The following RGL4 variants were observed in gnomAD, a reference collection of about 807,000 sequenced individuals.
The protein encoded by RGL4 is ral guanine nucleotide dissociation stimulator like 4.
A neutral mutation model predicts 49.6 loss-of-function variants in RGL4; 41 were observed. The ratio of observed to expected loss-of-function variants is 0.83; its 90% CI spans 0.64 to 1.07. RGL4 has a LOEUF of 1.07. Among genes scored for constraint, RGL4 ranks in the 50% least tolerant of loss-of-function variants. The pLI is 0.00. For missense variants in RGL4, 610 were observed against 591.9 expected, an observed-to-expected ratio of 1.03 and a Z score of -0.32; for synonymous variants, 255 against 238.0, an observed-to-expected ratio of 1.07 and a Z score of -0.66.
chr22:23,698,511 ACAC>A, intron 10 of RGL4, 178 bp downstream of exon 10: 1 of 752,888 alleles, frequency 1.3e-6, no homozygotes, highest in African/African-American at 1.7e-5. Flanking sequence ...CTACCGCTGT[ACAC>A]CACCATGTCC....
chr22:23,696,460 G>A (rs771570284), intron 6 of RGL4, 154 bp from the exon 7 acceptor site: 105 of 1,545,330 alleles, frequency 6.8e-5, no homozygotes, highest in South Asian at 2.4e-5. Context: ...GCAAGACTGG[G>A]TGACACACAC....
chr22:23,695,378 T>C, intron 6 of RGL4: 1 of 489,190 alleles, frequency 2.0e-6, no homozygotes, highest in Non-Finnish European at 3.9e-6. Flanking sequence ...AGGGTGATCA[T>C]GGTAGGTGGG....
In RGL4 at chr22:23,697,880, C is replaced by A; in HGVS notation, c.1260+19C>A. The A allele has an allele frequency of 1.2e-6, 2 of 1,602,524 alleles. No homozygotes were observed. Among genetic ancestry groups the A allele is most frequent in the Non-Finnish European group, 1.7e-6 (2 of 1,175,526 alleles). On this transcript the variant is annotated intron_variant, in intron 9 of 10. Transcript: ENST00000290691. ...GAGCAAGGTGAGCAGCTGGGGCACT[C>A]ACGTTGGATGAGGGTGGGGATGTGG...
Position 23,692,109 on chromosome 22 carries a change from TG to T in RGL4, c.82del (p.Glu28LysfsTer61). 1.2e-6 allele frequency: 2 copies of T among 1,614,124 alleles called. No individual in the cohort carries two copies. Among genetic ancestry groups the T allele is most frequent in the South Asian group, 2.2e-5 (2 of 91,078 alleles). On this transcript the variant is annotated frameshift_variant, in exon 1 of 11. Coordinates refer to ENST00000290691, the MANE Select transcript of RGL4 (RefSeq NM_153615.2). LOFTEE classifies it high-confidence loss of function. ...GTACAGTGCTGTGCTCCAGGGCCTTTGGGAAGAGAATGTCTGTGGGACGCCA... is the reference window on the plus strand; with the variant it reads ...GTACAGTGCTGTGCTCCAGGGCCTTTGGAAGAGAATGTCTGTGGGACGCCA... ...QVYSAVLQGL[W>X]EENVCGTPGR...
Position 23,691,688 on chromosome 22 carries a change from T to G in RGL4, c.-343T>G. Reference sequence around the variant, plus strand: ...AGCCCAGCAACAAATATAAACTGGGTGGATTTAGGGTTCTGAAGGGCCTTT... The same window carrying G: ...AGCCCAGCAACAAATATAAACTGGGGGGATTTAGGGTTCTGAAGGGCCTTT... On this transcript the variant is annotated 5_prime_UTR_variant, in exon 1 of 11. Coordinates refer to ENST00000290691, the MANE Select transcript of RGL4 (RefSeq NM_153615.2). The G allele has an allele frequency of 4.2e-6, 1 of 236,580 alleles. No homozygotes were observed. The highest frequency in any genetic ancestry group is 8.4e-6 in the Non-Finnish European group (1 of 118,804). 14.7% of individuals were successfully genotyped at this position (236,580 alleles called of 1,614,324 possible).
Position 23,693,782 on chromosome 22 carries a change from C to A in RGL4, c.720C>A (p.Leu240=). 1 of 1,614,070 alleles carries A rather than the reference C, an allele frequency of 6.2e-7. No homozygotes were observed. The highest frequency in any genetic ancestry group is 8.5e-7 in the Non-Finnish European group (1 of 1,180,020). ...AGGAGCTGTTCAAGAAGGTGGTGCT[C>A]CACGAATGCTTGGGCTGCATCTGGG... ...MDAELFKKVV[L]HECLGCIWGQ... Residue 240 remains leucine (L), a synonymous_variant, in exon 4 of 11, where the codon CTC becomes CTA. Coordinates refer to ENST00000290691, the MANE Select transcript of RGL4 (RefSeq NM_153615.2).
chr22:23,695,913 A>T (rs754470607), intron 6 of RGL4, among the ~76,000 whole-genome samples: 2 of 152,116 alleles, frequency 1.3e-5, no homozygotes, highest in African/African-American at 2.4e-5. Context: ...CCCCTGGGGG[A>T]TCATTGGCGA....
rs764399514 is a variant in RGL4, at chr22:23,696,674, C to T, written c.1147C>T (p.Arg383Trp). The change falls in exon 7 of 11, where the codon CGG (arginine) becomes TGG (tryptophan). Residue 383 changes from arginine to tryptophan, a missense_variant. Transcript: ENST00000290691. ...RNPQRVQMRLRRQKKGVVPFL... is the reference protein window; with the variant it reads ...RNPQRVQMRLWRQKKGVVPFL... Reference sequence around the variant, plus strand: ...CCCCCAGAGAGTCCAGATGAGGCTGCGGAGGCAGAAGAAGGTGAGTGAGCC... The same window carrying T: ...CCCCCAGAGAGTCCAGATGAGGCTGTGGAGGCAGAAGAAGGTGAGTGAGCC... 90 of 1,612,966 alleles carry T rather than the reference C, an allele frequency of 5.6e-5. No homozygotes were observed. Among genetic ancestry groups the T allele is most frequent in the Non-Finnish European group, 7.0e-5 (83 of 1,179,678 alleles).
rs774038410 is a variant in RGL4, at chr22:23,698,336, G to A, written c.1382+3G>A. On this transcript the variant is annotated splice_donor_region_variant and intron_variant, in intron 10 of 10. Transcript: ENST00000290691. The stretch of plus-strand genomic sequence containing the variant: ...GAGCAGCTCAGTGACAAAGAGAGGT[G>A]AGGGCCTAGCCCATGGGCTGAGGGT... The A allele has an allele frequency of 1.9e-6, 3 of 1,601,128 alleles. No homozygotes were observed. The highest frequency in any genetic ancestry group is 1.3e-5 in the African/African-American group (1 of 74,670).
At chr22:23,694,087 C>T in intron 4 of RGL4, 113 bp downstream of exon 4, 1 of 946,040 alleles carries the variant, frequency 1.1e-6, no homozygotes, top group Non-Finnish European at 1.6e-6. Context: ...CCTGCACATC[C>T]CCTAGGCTCT....
chr22:23,698,998 C>A lies in RGL4; in HGVS notation c.*115C>A. ...CAGGGAACCACATCTAGGAGGCTGG[C>A]AGCTCAGCTGCATCTTGCCCTGGAT... is the stretch of plus-strand genomic sequence containing the variant. On this transcript the variant is annotated 3_prime_UTR_variant, in exon 11 of 11. Transcript: ENST00000290691. The A allele has an allele frequency of 1.3e-6, 2 of 1,554,216 alleles. No individual in the cohort carries two copies. Among genetic ancestry groups the A allele is most frequent in the Non-Finnish European group, 1.7e-6 (2 of 1,148,658 alleles).
At chr22:23,694,282 G>C (rs944628772) in intron 4 of RGL4, 65 bp from the exon 5 acceptor site, 33 of 1,239,488 alleles carry the variant, frequency 2.7e-5, no homozygotes, top group Non-Finnish European at 3.8e-5. Context: ...CTCAGCAGAG[G>C]GGGCTGAGGC....
rs775439936 is a variant in RGL4 at position 23,696,655 on chromosome 22, G to C, written c.1128G>C (p.Gln376His). 1.9e-4 allele frequency: 302 copies of C among 1,613,646 alleles called. No individual in the cohort carries two copies. The highest frequency in any genetic ancestry group is 3.3e-4 in the Admixed American group (20 of 59,992). ...TGGCCACCCAGGAGAGGAACCCCCAGAGAGTCCAGATGAGGCTGCGGAGGC... is the reference window on the plus strand; with the variant it reads ...TGGCCACCCAGGAGAGGAACCCCCACAGAGTCCAGATGAGGCTGCGGAGGC... The part of the protein sequence containing the change: ...FKVATQERNP[Q>H]RVQMRLRRQK... Residue 376 changes from glutamine to histidine, a missense_variant, in exon 7 of 11, where the codon CAG (glutamine) becomes CAC (histidine). By Grantham distance (24) the Gln-to-His change is conservative (BLOSUM62 0). Coordinates refer to ENST00000290691, the MANE Select transcript of RGL4 (RefSeq NM_153615.2).
In RGL4 at chr22:23,692,732, T is replaced by A; in HGVS notation, c.437T>A (p.Leu146Gln). Residue 146 changes from leucine to glutamine, a missense_variant, in exon 3 of 11, where the codon CTG becomes CAG. Physicochemically the swap from Leu to Gln is moderately radical, Grantham distance 113 (BLOSUM62 -2). Coordinates refer to ENST00000290691, the MANE Select transcript of RGL4 (RefSeq NM_153615.2). ...TMPALEPAPP[L>Q]LADLGPALEP... is the part of the protein sequence containing the mutation. ...CCGGCCCTGGAGCCAGCACCACCAC[T>A]GCTGGCGGACCTGGGGCCTGCTCTG... The A allele has an allele frequency of 6.2e-7, 1 of 1,613,208 alleles. No individual in the cohort carries two copies. Among genetic ancestry groups the A allele is most frequent in the South Asian group, 1.1e-5 (1 of 91,082 alleles).
In RGL4 at chr22:23,692,857, C is replaced by T; in HGVS notation, c.562C>T (p.Leu188=). Residue 188 remains leucine (L), a synonymous_variant, in exon 3 of 11, where the codon CTG becomes TTG. Transcript: ENST00000290691. ...PGEGPPPGTV[L]EPQSAPESSC... The stretch of plus-strand genomic sequence containing the variant: ...GGAAGGGCCCCCTCCAGGGACAGTG[C>T]TGGAGCCACAGTCAGCCCCAGAGTC... The T allele has an allele frequency of 1.2e-6, 2 of 1,613,672 alleles. No homozygotes were observed. The highest frequency in any genetic ancestry group is 8.5e-7 in the Non-Finnish European group (1 of 1,180,006).
At position 23,698,838 on chromosome 22, in the gene RGL4, C is replaced by G. The variant is rs780997707; in HGVS notation, c.1383-6C>G. ...GTGGCCTCACAGCTGCTTCTCTGTC[C>G]TGCAGCTACAAGCTGTCCTGCCAGC... On this transcript the variant is annotated splice_polypyrimidine_tract_variant and splice_region_variant and intron_variant, in intron 10 of 10. Transcript: ENST00000290691. 6.2e-7 allele frequency: 1 copy of G among 1,610,740 alleles called. No individual in the cohort carries two copies. The highest frequency in any genetic ancestry group is 1.7e-5 in the Admixed American group (1 of 59,670).
At position 23,692,929 on chromosome 22, in the gene RGL4, C is replaced by T. The variant is rs760223987; in HGVS notation, c.634C>T (p.Leu212=). Residue 212 remains leucine (L), a synonymous_variant, in exon 3 of 11, where the codon CTG becomes TTG. Transcript: ENST00000290691. ...GSVKNQPSEE[L]PDMTTFPPRL... ...TGTAAAGAACCAACCCAGTGAGGAGCTGCCTGACATGACGACCTTCCCTCC... is the reference window on the plus strand; with the variant it reads ...TGTAAAGAACCAACCCAGTGAGGAGTTGCCTGACATGACGACCTTCCCTCC... 3 of 1,613,126 alleles carry T rather than the reference C, an allele frequency of 1.9e-6. No homozygotes were observed. Among genetic ancestry groups the T allele is most frequent in the Admixed American group, 3.3e-5 (2 of 60,002 alleles).
At chr22:23,692,308 T>C in intron 1 of RGL4, 27 bp from the exon 2 acceptor site, 1 of 1,611,786 alleles carries the variant, frequency 6.2e-7, no homozygotes, top group South Asian at 1.1e-5. Flanking sequence ...GCCAGGCCTC[T>C]GACTCAGCTG....
At chr22:23,697,748 T>C (rs1195758447) in intron 8 of RGL4, 90 bp from the exon 9 acceptor site, 1 of 1,392,880 alleles carries the variant, frequency 7.2e-7, no homozygotes, top group Non-Finnish European at 1.0e-6. Flanking sequence ...CTGACCCTGG[T>C]GGCCCTGGCA....
Sources: gnomAD v4.1 joint callset for allele counts (sites outside exome capture counted in the v4.1 genomes callset) on GRCh38, gnomAD v4.1.1 for gene constraint, MANE v1.5 for transcripts, NCBI Gene and HGNC (gene_info 2026-07-23, HGNC 2026-07-21) for gene names.